Variants in ACSBG2 observed in about 807,000 individuals in gnomAD.
ACSBG2 encodes acyl-CoA synthetase bubblegum family member 2.
ACSBG2 carries 62 observed loss-of-function variants against 74.7 expected under a neutral mutation model. That is an observed-to-expected ratio of 0.83 (90% CI 0.68 to 1.03). The LOEUF (loss-of-function observed/expected upper bound fraction) is 1.03, where lower values mean the gene tolerates loss of function less well. ACSBG2 is among the 50% of genes least tolerant of loss of function. The pLI, the probability that ACSBG2 is intolerant of heterozygous loss-of-function variation, is 0.00. For missense variants in ACSBG2, 730 were observed against 817.6 expected, an observed-to-expected ratio of 0.89 and a Z score of 1.31; for synonymous variants, 309 against 294.1, an observed-to-expected ratio of 1.05 and a Z score of -0.52.
intron 7 of ACSBG2, among the ~76,000 whole-genome samples, chr19:6,171,308 G>GCCCACAAA (rs1385565223): frequency 4.6e-5 from 7 of 151,818 alleles, no homozygotes; most frequent in African/African-American, 1.7e-4. Context: ...TGCTTTATAG[G>GCCCACAAA]GTCTGTGGGC....
intron 2 of ACSBG2, among the ~76,000 whole-genome samples, chr19:6,141,986 C>G (rs1368634601): frequency 6.6e-6 from 1 of 152,196 alleles, no homozygotes; most frequent in African/African-American, 2.4e-5. Context: ...CCACCTTGGC[C>G]TCCCAAAGTG....
chr19:6,137,805 G>A (rs1201013812), intron 1 of ACSBG2, among the ~76,000 whole-genome samples: 2 of 151,952 alleles, frequency 1.3e-5, no homozygotes, highest in African/African-American at 4.8e-5. Context: ...CTGCCGCCGT[G>A]CCTGGCTAAT....
chr19:6,184,614 GAAA>G (rs773413408), intron 10 of ACSBG2, among the ~76,000 whole-genome samples: 3 of 125,644 alleles, frequency 2.4e-5, no homozygotes, highest in African/African-American at 2.9e-5. Flanking sequence ...CTATCTCTAG[GAAA>G]AAAAAAAAAA....
rs1260517218 is a variant in ACSBG2, at chr19:6,141,599, A to C, written c.56A>C (p.Asn19Thr). 6.2e-7 allele frequency: 1 copy of C among 1,601,558 alleles called. No homozygotes were observed. The highest frequency in any genetic ancestry group is 1.1e-5 in the South Asian group (1 of 90,832). The change falls in exon 2 of 15, where the codon AAT (asparagine) becomes ACT (threonine). Residue 19 changes from asparagine (N) to threonine (T), a missense_variant. Asn to Thr is a moderately conservative substitution (Grantham distance 65, BLOSUM62 0). Transcript: ENST00000588485. ...EGAKDLEVDM[N>T]KTEVTPRLWT... Reference sequence around the variant, plus strand: ...GCTAAAGATCTTGAAGTAGACATGAATAAAACAGAAGGTATATTGCACTAA... The same window carrying C: ...GCTAAAGATCTTGAAGTAGACATGACTAAAACAGAAGGTATATTGCACTAA...
intron 7 of ACSBG2, among the ~76,000 whole-genome samples, chr19:6,171,530 A>G (rs1337745490): frequency 1.3e-5 from 2 of 152,204 alleles, no homozygotes. Context: ...AAGAAGGCTA[A>G]AAATGGGCCC....
At position 6,174,941 on chromosome 19, in the gene ACSBG2, A is replaced by G. The variant is rs1182264255; in HGVS notation, c.739-2288A>G. The stretch of plus-strand genomic sequence containing the variant: ...GATAAACACATTTTAACTCCCCACT[A>G]AAACCCCACGAGGAAAATTTTGTCA... On this transcript the variant is annotated intron_variant, in intron 7 of 14. Coordinates refer to ENST00000588485, the MANE Select transcript of ACSBG2 (RefSeq NM_030924.5). The surrounding 1 kb of genome is among the most constrained non-coding windows in gnomAD (Gnocchi z 4.2). 1.3e-5 allele frequency among the ~76,000 whole-genome samples: 2 copies of G among 152,034 alleles called. No individual in the cohort carries two copies. The highest frequency in any genetic ancestry group is 4.2e-4 in the South Asian group (2 of 4,800).
At chr19:6,186,867 G>A (rs115526744) in intron 11 of ACSBG2, among the ~76,000 whole-genome samples, 2,728 of 152,148 alleles carry the variant, frequency 0.018, 55 homozygotes, top group African/African-American at 0.046. Context: ...ACCACACCCG[G>A]CTATTTTTTT....
chr19:6,177,115 C>A, intron 7 of ACSBG2, 114 bp from the exon 8 acceptor site: 2 of 1,161,258 alleles, frequency 1.7e-6, no homozygotes, highest in South Asian at 1.6e-5. Context: ...GAGCTGTGAT[C>A]ACACCACTGC....
At chr19:6,183,785 T>C (rs1014049148) in intron 10 of ACSBG2, among the ~76,000 whole-genome samples, 2 of 152,210 alleles carry the variant, frequency 1.3e-5, no homozygotes, top group Non-Finnish European at 2.9e-5. Context: ...AAAAATCTTT[T>C]CATACATGTG....
At chr19:6,190,796 C>G (rs1600146509) in intron 14 of ACSBG2, 104 bp downstream of exon 14, 1 of 568,648 alleles carries the variant, frequency 1.8e-6, no homozygotes, top group Non-Finnish European at 3.1e-6. Flanking sequence ...AGAAAACACA[C>G]ACATACACAC....
At chr19:6,155,323 T>G (rs1429899903) in intron 4 of ACSBG2, among the ~76,000 whole-genome samples, 31 of 152,182 alleles carry the variant, frequency 2.0e-4, no homozygotes, top group Non-Finnish European at 7.3e-5. Flanking sequence ...GACTAAATCA[T>G]GCAAGTTAAA....
chr19:6,136,294 ACAT>A (rs2088564043), intron 1 of ACSBG2, among the ~76,000 whole-genome samples: 1 of 152,070 alleles, frequency 6.6e-6, no homozygotes, highest in Non-Finnish European at 1.5e-5. Context: ...GGGTTTCACC[ACAT>A]TAGCCAGGAT....
In ACSBG2 at chr19:6,145,263, G is replaced by A. The variant is rs1181441602; in HGVS notation, c.68-2183G>A. Among the ~76,000 whole-genome samples, 9 of 152,032 alleles carry A rather than the reference G, an allele frequency of 5.9e-5. 1 individual carries two copies. Among genetic ancestry groups the A allele is most frequent in the Admixed American group, 5.9e-4 (9 of 15,250 alleles). On this transcript the variant is annotated intron_variant, in intron 2 of 14. Coordinates refer to ENST00000588485, the MANE Select transcript of ACSBG2 (RefSeq NM_030924.5). ...ATACAAAAATTAGCTGGGTGTGGTG[G>A]TGCCCACCTGTAATCCCCGCTACTT...
At position 6,183,169 on chromosome 19, in the gene ACSBG2, G is replaced by A. The variant is rs758992299; in HGVS notation, c.1219G>A (p.Glu407Lys). The stretch of plus-strand genomic sequence containing the variant: ...TGCGCCCCTCAACCAAGAGACTGCC[G>A]AGTTCTTTCTAAGCTTGGACATACC... Reference protein sequence around the residue: ...GTAPLNQETAEFFLSLDIPIG... With the variant: ...GTAPLNQETAKFFLSLDIPIG... The change falls in exon 10 of 15, where the codon GAG becomes AAG. Residue 407 changes from glutamate to lysine, a missense_variant. Transcript: ENST00000588485. The A allele has an allele frequency of 2.4e-5, 38 of 1,614,096 alleles. No homozygotes were observed. The highest frequency in any genetic ancestry group is 8.3e-5 in the Admixed American group (5 of 60,000).
Position 6,149,727 on chromosome 19 carries a change from C to T in ACSBG2, c.298-1980C>T, listed in dbSNP as rs145504174. ...TTCATCTTGTGGGCCAGGCTGGTCT[C>T]GAACTTCTGACCTGAAGAGATCCAC... On this transcript the variant is annotated intron_variant, in intron 3 of 14. Coordinates refer to ENST00000588485, the MANE Select transcript of ACSBG2 (RefSeq NM_030924.5). Among the ~76,000 whole-genome samples, 1,224 of 152,034 alleles carry T rather than the reference C, an allele frequency of 8.1e-3. 10 individuals are homozygous for T. Among genetic ancestry groups the T allele is most frequent in the East Asian group, 0.012 (61 of 5,152 alleles).
intron 13 of ACSBG2, 172 bp from the exon 14 acceptor site, chr19:6,190,412 G>C: frequency 1.7e-6 from 1 of 582,584 alleles, no homozygotes; most frequent in Non-Finnish European, 3.1e-6. Context: ...AGGATCACAT[G>C]GAAGTTTTAT....
intron 2 of ACSBG2, among the ~76,000 whole-genome samples, chr19:6,146,980 A>G (rs1468441890): frequency 2.6e-5 from 4 of 152,134 alleles, no homozygotes; most frequent in African/African-American, 9.7e-5. Flanking sequence ...GTTTGCCTGT[A>G]GTTCCAGTTA....
chr19:6,177,585 A>C (rs1456389407), intron 8 of ACSBG2, among the ~76,000 whole-genome samples, 189 bp downstream of exon 8: 1 of 152,184 alleles, frequency 6.6e-6, no homozygotes, highest in Admixed American at 6.6e-5. Context: ...CTCAATCTGT[A>C]ATCCCGGCAC....
At chr19:6,150,089 A>C (rs74174369) in intron 3 of ACSBG2, among the ~76,000 whole-genome samples, 1 of 151,728 alleles carries the variant, frequency 6.6e-6, no homozygotes, top group East Asian at 1.9e-4. Flanking sequence ...ACAGAGCGAG[A>C]CAAAAAATAA....
Sources: gnomAD v4.1 joint callset for allele counts (sites outside exome capture counted in the v4.1 genomes callset) on GRCh38, gnomAD v4.1.1 for gene constraint, Gnocchi (gnomAD v3.1) non-coding constraint, MANE v1.5 for transcripts, NCBI Gene and HGNC (gene_info 2026-07-23, HGNC 2026-07-21) for gene names.